Variants in STIM1 observed in about 807,000 individuals in gnomAD.
The protein encoded by STIM1 is stromal interaction molecule 1.
A neutral mutation model predicts 74.7 loss-of-function variants in STIM1; 25 were observed. The ratio of observed to expected loss-of-function variants is 0.33; its 90% CI spans 0.24 to 0.47. The LOEUF is 0.47. STIM1 is among the 20% of genes least tolerant of loss of function. The pLI is 1.00. For synonymous variants in STIM1, 328 were observed against 348.8 expected, an observed-to-expected ratio of 0.94 and a Z score of 0.66; for missense variants, 728 against 920.8, an observed-to-expected ratio of 0.79 and a Z score of 2.71.
At chr11:4,088,523 A>G (rs2094505787) in intron 12 of STIM1, 1 of 591,384 alleles carries the variant, frequency 1.7e-6, no homozygotes, top group Non-Finnish European at 3.1e-6. Flanking sequence ...AAGCCTAGGA[A>G]GGGAGACTGC....
At chr11:3,912,402 G>A (rs1425644186) in intron 1 of STIM1, among the ~76,000 whole-genome samples, 1 of 150,418 alleles carries the variant, frequency 6.6e-6, no homozygotes, top group Non-Finnish European at 1.5e-5. Flanking sequence ...TTTCACTTTG[G>A]TGCCCAGGCT....
At chr11:4,045,550 C>T (rs560983365) in intron 3 of STIM1, among the ~76,000 whole-genome samples, 3 of 151,024 alleles carry the variant, frequency 2.0e-5, no homozygotes, top group Non-Finnish European at 4.4e-5. Flanking sequence ...TCCAGGCTTA[C>T]GTGATCCTCC....
intron 1 of STIM1, among the ~76,000 whole-genome samples, chr11:3,904,196 C>CAACAAA (rs2092418562): frequency 1.4e-5 from 1 of 73,876 alleles, no homozygotes; most frequent in Non-Finnish European, 2.4e-5. Flanking sequence ...GACTCTGTCT[C>CAACAAA]AAAAAAAAAA....
rs1162731553 is a variant in STIM1, at chr11:3,860,970, T to C, written c.139+4561T>C. ...CAGTATAGACATTGTAGGCTAAGGG[T>C]TAAAAGCGATCTGTGTGGGCTGGGC... On this transcript the variant is annotated intron_variant, in intron 1 of 12. Coordinates refer to ENST00000526596, the MANE Select transcript of STIM1 (RefSeq NM_001382567.1). 2.6e-5 allele frequency among the ~76,000 whole-genome samples: 4 copies of C among 151,958 alleles called. No individual in the cohort carries two copies. The South Asian group carries it at 6.2e-4, about 24-fold the overall frequency.
chr11:3,971,604 C>T (rs1264825353), intron 2 of STIM1, among the ~76,000 whole-genome samples: 1 of 152,112 alleles, frequency 6.6e-6, no homozygotes, highest in Non-Finnish European at 1.5e-5. Context: ...CTGTTTCTAC[C>T]ACAGCCGTTT....
intron 1 of STIM1, among the ~76,000 whole-genome samples, chr11:3,952,270 G>A (rs974207390): frequency 1.6e-4 from 24 of 151,846 alleles, no homozygotes; most frequent in African/African-American, 5.1e-4. Context: ...AAAATTAGCC[G>A]AGCACAGTGG....
Position 4,070,032 on chromosome 11 carries a change from G to C in STIM1, c.620G>C (p.Arg207Pro). The C allele has an allele frequency of 6.2e-7, 1 of 1,614,036 alleles. No individual in the cohort carries two copies. The highest frequency in any genetic ancestry group is 8.5e-7 in the Non-Finnish European group (1 of 1,180,012). Residue 207 changes from arginine (R) to proline (P), a missense_variant, in exon 6 of 13, where the codon CGC (arginine) becomes CCC (proline). Coordinates refer to ENST00000526596, the MANE Select transcript of STIM1 (RefSeq NM_001382567.1). ...GCCCTCCCCTCTCTGGCAGTGACTC[G>C]CCATAATCACCTCAAGGACTTCATG... is the stretch of plus-strand genomic sequence containing the variant. ...TVLFGPPLLT[R>P]HNHLKDFMLV...
chr11:3,907,451 C>T (rs546984416), intron 1 of STIM1, among the ~76,000 whole-genome samples: 4 of 152,126 alleles, frequency 2.6e-5, no homozygotes, highest in Non-Finnish European at 5.9e-5. Context: ...CATATCCTGT[C>T]GGTTCTACCT....
At chr11:4,061,681 T>C (rs956777891) in intron 5 of STIM1, among the ~76,000 whole-genome samples, 1 of 152,130 alleles carries the variant, frequency 6.6e-6, no homozygotes, top group African/African-American at 2.4e-5. Flanking sequence ...CTCAAACAAG[T>C]ACATGTACAT....
chr11:4,042,850 G>A (rs532727479), intron 3 of STIM1, among the ~76,000 whole-genome samples: 2 of 152,276 alleles, frequency 1.3e-5, no homozygotes, highest in African/African-American at 4.8e-5. Context: ...TACTGAGTTT[G>A]TATTAAATCC....
intron 5 of STIM1, among the ~76,000 whole-genome samples, chr11:4,064,246 T>C (rs1283029391): frequency 6.6e-6 from 1 of 152,168 alleles, no homozygotes; most frequent in Non-Finnish European, 1.5e-5. Context: ...ACTAAGGAGC[T>C]CTTTGCCAGG....
At chr11:3,989,469 G>A in intron 2 of STIM1, 2 of 679,996 alleles carry the variant, frequency 2.9e-6, no homozygotes, top group Non-Finnish European at 5.5e-6. Flanking sequence ...GCATCCTGGC[G>A]GCGTGGAGGG....
chr11:3,870,621 C>T (rs1048719914), intron 1 of STIM1, among the ~76,000 whole-genome samples: 5 of 152,178 alleles, frequency 3.3e-5, no homozygotes, highest in Admixed American at 6.5e-5. Context: ...CTCGGCCCAA[C>T]AAGTAGCTGG....
intron 1 of STIM1, among the ~76,000 whole-genome samples, chr11:3,956,553 T>C (rs1390337826): frequency 3.9e-5 from 6 of 152,134 alleles, no homozygotes. Flanking sequence ...GACTTGGTAA[T>C]AGTAATTTCT....
chr11:3,872,030 C>T (rs1161336366), intron 1 of STIM1, among the ~76,000 whole-genome samples: 1 of 152,124 alleles, frequency 6.6e-6, no homozygotes, highest in Non-Finnish European at 1.5e-5. Flanking sequence ...TAGGTTCTCA[C>T]TCTTCCTTAT....
intron 1 of STIM1, among the ~76,000 whole-genome samples, chr11:3,869,759 A>G (rs1349103836): frequency 1.3e-5 from 2 of 152,190 alleles, no homozygotes; most frequent in Non-Finnish European, 2.9e-5. Context: ...AGCAAGGTTA[A>G]TCTCACAGAA....
intron 11 of STIM1, 79 bp from the exon 12 acceptor site, chr11:4,086,398 A>G: frequency 6.4e-7 from 1 of 1,550,702 alleles, no homozygotes; most frequent in Non-Finnish European, 8.8e-7. Flanking sequence ...TCCAGCAAGC[A>G]TTTATTCATG....
chr11:3,949,842 CT>C (rs2093123745), intron 1 of STIM1, among the ~76,000 whole-genome samples: 1 of 152,148 alleles, frequency 6.6e-6, no homozygotes, highest in Non-Finnish European at 1.5e-5. Flanking sequence ...ATCCACCAAT[CT>C]TGTTCAGATT....
rs1034796658 is a variant in STIM1 at position 3,967,525 on chromosome 11, AT to A, written c.140-23del. On this transcript the variant is annotated intron_variant, in intron 1 of 12. Coordinates refer to ENST00000526596, the MANE Select transcript of STIM1 (RefSeq NM_001382567.1). ...AGGTTCTGGGTGGCAGCTCTGAGTA[AT>A]TTTGTCTCTTGCTTTTCTTACACAG... is the stretch of plus-strand genomic sequence containing the variant. The A allele has an allele frequency of 3.7e-6, 6 of 1,613,812 alleles. No individual in the cohort carries two copies. In the African/African-American group the frequency reaches 6.7e-5, roughly 18 times the overall value.
Sources: allele counts gnomAD v4.1 joint callset (sites outside exome capture counted in the v4.1 genomes callset), GRCh38; gene constraint gnomAD v4.1.1; transcripts MANE v1.5; gene names NCBI Gene and HGNC (gene_info 2026-07-23, HGNC 2026-07-21).